Variants in TMEFF1 observed in about 807,000 individuals in gnomAD.
The protein encoded by TMEFF1 is tomoregulin-1.
TMEFF1 carries 20 observed loss-of-function variants against 47.5 expected under a neutral mutation model. That is an observed-to-expected ratio of 0.42 (90% CI 0.30 to 0.61). The LOEUF is 0.61. Among genes scored for constraint, TMEFF1 ranks in the 20% least tolerant of loss-of-function variants. TMEFF1 has a pLI of 0.19. For missense variants in TMEFF1, 411 were observed against 471.1 expected (o/e 0.87, Z 1.18); for synonymous variants, 162 against 166.3 (o/e 0.97, Z 0.20).
At chr9:100,486,877 A>G (rs1408928110) in intron 1 of TMEFF1, among the ~76,000 whole-genome samples, 2 of 152,152 alleles carry the variant, frequency 1.3e-5, no homozygotes, top group Non-Finnish European at 2.9e-5. Flanking sequence ...GGCTCAAGTG[A>G]TACTCCCGCC....
At chr9:100,504,545 A>G (rs1313363210) in intron 2 of TMEFF1, among the ~76,000 whole-genome samples, 1 of 152,246 alleles carries the variant, frequency 6.6e-6, no homozygotes, top group Non-Finnish European at 1.5e-5. Flanking sequence ...TACTAGCAAT[A>G]GCAAAATAGC....
intron 5 of TMEFF1, among the ~76,000 whole-genome samples, chr9:100,542,120 A>T (rs1422119285): frequency 6.0e-4 from 80 of 133,354 alleles, no homozygotes; most frequent in Middle Eastern, 3.9e-3. Context: ...CCTTTTTTGG[A>T]TTTTTTTTTT....
At chr9:100,476,287 G>A (rs10989104) in intron 1 of TMEFF1, among the ~76,000 whole-genome samples, 82,219 of 151,994 alleles carry the variant, frequency 0.54, 22,674 homozygotes, top group African/African-American at 0.6. Context: ...TGAGAACCAT[G>A]TTAATACAGT....
At chr9:100,540,422 A>G (rs2118486383) in intron 5 of TMEFF1, among the ~76,000 whole-genome samples, 1 of 152,302 alleles carries the variant, frequency 6.6e-6, no homozygotes, top group South Asian at 2.1e-4. Context: ...TAGCCTGGGC[A>G]CTCTGGCAGC....
Position 100,498,884 on chromosome 9 carries a change from C to A in TMEFF1, c.306+10C>A. 6.2e-7 allele frequency: 1 copy of A among 1,606,384 alleles called. No individual in the cohort carries two copies. Among genetic ancestry groups the A allele is most frequent in the African/African-American group, 1.3e-5 (1 of 74,334 alleles). On this transcript the variant is annotated intron_variant, in intron 2 of 9. Coordinates refer to ENST00000374879, the MANE Select transcript of TMEFF1 (RefSeq NM_003692.5). ...TGCATGCCAATTTCAGGTGAGGAAA[C>A]CCAGCCTATTTTGAAAAGTTTTATA... is the stretch of plus-strand genomic sequence containing the variant.
At chr9:100,517,576 C>T (rs970755774) in intron 5 of TMEFF1, among the ~76,000 whole-genome samples, 2 of 152,134 alleles carry the variant, frequency 1.3e-5, no homozygotes, top group Admixed American at 1.3e-4. Flanking sequence ...GTATTATGTA[C>T]AAAATCAGCT....
intron 1 of TMEFF1, among the ~76,000 whole-genome samples, chr9:100,490,032 G>C (rs576473691): frequency 1.3e-5 from 2 of 151,988 alleles, no homozygotes; most frequent in East Asian, 1.9e-4. Context: ...AGTAGGCAGC[G>C]GGGGAAGATT....
chr9:100,526,472 T>C (rs1032152683), intron 5 of TMEFF1, among the ~76,000 whole-genome samples: 1 of 152,156 alleles, frequency 6.6e-6, no homozygotes, highest in Non-Finnish European at 1.5e-5. Context: ...TTTTTTGCTG[T>C]ACTTTTTGAG....
At chr9:100,485,128 CT>C (rs200870906) in intron 1 of TMEFF1, among the ~76,000 whole-genome samples, 2 of 151,848 alleles carry the variant, frequency 1.3e-5, no homozygotes, top group Non-Finnish European at 2.9e-5. Context: ...AATTTCATTC[CT>C]TTTTTTTGAC....
chr9:100,545,931 T>G (rs1300912214), intron 5 of TMEFF1, among the ~76,000 whole-genome samples: 1 of 152,174 alleles, frequency 6.6e-6, no homozygotes, highest in Non-Finnish European at 1.5e-5. Flanking sequence ...CTCATTTCCA[T>G]CTGTGATCAC....
In TMEFF1 at chr9:100,509,044, G is replaced by A. The variant is rs1837913807; in HGVS notation, c.346G>A (p.Asp116Asn). Reference sequence around the variant, plus strand: ...TATTCCTGTCTGTGGATCAAATGGGGACACTTATCAAAATGAATGCTTTCT... The same window carrying A: ...TATTCCTGTCTGTGGATCAAATGGGAACACTTATCAAAATGAATGCTTTCT... ...NYIPVCGSNG[D>N]TYQNECFLRR... The change falls in exon 3 of 10, where the codon GAC becomes AAC. Residue 116 changes from aspartate (D) to asparagine (N), a missense_variant. Transcript: ENST00000374879. 6.2e-7 allele frequency: 1 copy of A among 1,603,884 alleles called. No individual in the cohort carries two copies.
At chr9:100,501,470 T>G (rs28645211) in intron 2 of TMEFF1, among the ~76,000 whole-genome samples, 1 of 152,074 alleles carries the variant, frequency 6.6e-6, no homozygotes, top group Non-Finnish European at 1.5e-5. Context: ...GTTTCTGGGG[T>G]ATTTTCTTTT....
At position 100,576,804 on chromosome 9, in the gene TMEFF1, T is replaced by C. The variant is rs1003365668; in HGVS notation, c.*204T>C. 7.8e-6 allele frequency: 4 copies of C among 514,678 alleles called. No homozygotes were observed. The highest frequency in any genetic ancestry group is 1.3e-5 in the Non-Finnish European group (4 of 317,660). 31.9% of individuals were successfully genotyped at this position (514,678 alleles called of 1,614,324 possible). ...ATGTTTTTAAATACAGAAATTGCTT[T>C]CACAAATTTGTACCACATGGTAATT... is the stretch of plus-strand genomic sequence containing the variant. On this transcript the variant is annotated 3_prime_UTR_variant, in exon 10 of 10. Coordinates refer to ENST00000374879, the MANE Select transcript of TMEFF1 (RefSeq NM_003692.5).
chr9:100,542,754 C>T (rs1838657082), intron 5 of TMEFF1, among the ~76,000 whole-genome samples: 1 of 151,912 alleles, frequency 6.6e-6, no homozygotes, highest in African/African-American at 2.4e-5. Context: ...TTTTAGTAAT[C>T]CTGTTTGGGA....
At chr9:100,505,572 T>C (rs1212310279) in intron 2 of TMEFF1, among the ~76,000 whole-genome samples, 1 of 152,188 alleles carries the variant, frequency 6.6e-6, no homozygotes, top group Non-Finnish European at 1.5e-5. Flanking sequence ...AGGAAAGTCT[T>C]GTCAAAATTC....
intron 1 of TMEFF1, among the ~76,000 whole-genome samples, chr9:100,492,269 T>C (rs1440467238): frequency 2.0e-5 from 3 of 152,226 alleles, no homozygotes; most frequent in South Asian, 2.1e-4. Flanking sequence ...TAAAGACTTG[T>C]GGATGCAGAA....
chr9:100,473,528 G>C lies in TMEFF1; in HGVS notation c.-17G>C. On this transcript the variant is annotated 5_prime_UTR_variant, in exon 1 of 10. Coordinates refer to ENST00000374879, the MANE Select transcript of TMEFF1 (RefSeq NM_003692.5). The surrounding 1 kb of genome is among the most constrained non-coding windows in gnomAD (Gnocchi z 5.4). ...CCTGCGGCTCCCTGCGCTTCCCGCC[G>C]TCCAGGGGCACCAGTCATGGGCGCC... The C allele has an allele frequency of 6.9e-7, 1 of 1,453,662 alleles. No individual in the cohort carries two copies. 90.0% of individuals were successfully genotyped at this position (1,453,662 alleles called of 1,614,324 possible). A position where few individuals can be genotyped will look rare whatever the true frequency, so the allele number is the denominator to read the frequency against.
At chr9:100,523,661 T>C (rs1210433785) in intron 5 of TMEFF1, among the ~76,000 whole-genome samples, 2 of 152,220 alleles carry the variant, frequency 1.3e-5, no homozygotes, top group African/African-American at 2.4e-5. Flanking sequence ...TTTAAGCCAA[T>C]GTTTTCCTAA....
chr9:100,504,265 A>G (rs1837817275), intron 2 of TMEFF1, among the ~76,000 whole-genome samples: 2 of 152,204 alleles, frequency 1.3e-5, no homozygotes, highest in Non-Finnish European at 2.9e-5. Context: ...GTCCATTAGC[A>G]TAATTAGAGG....
Sources: gnomAD v4.1 joint callset for allele counts (sites outside exome capture counted in the v4.1 genomes callset) on GRCh38, gnomAD v4.1.1 for gene constraint, Gnocchi (gnomAD v3.1) non-coding constraint, MANE v1.5 for transcripts, NCBI Gene and HGNC (gene_info 2026-07-23, HGNC 2026-07-21) for gene names.